EYS: variants seen among roughly 807,000 people sequenced by gnomAD.
The protein encoded by EYS is EGF-like photoreceptor maintenance factor, also known as protein eyes shut homolog.
EYS carries 250 observed loss-of-function variants against 282.1 expected under a neutral mutation model. That is an observed-to-expected ratio of 0.89 (90% CI 0.80 to 0.98). EYS has a LOEUF of 0.98. Among genes scored for constraint, EYS ranks in the 50% least tolerant of loss-of-function variants. The pLI, the probability that EYS is intolerant of heterozygous loss-of-function variation, is 0.00. For missense variants in EYS, 4,016 were observed against 3,709.0 expected (o/e 1.08, Z -2.15); for synonymous variants, 1,355 against 1,282.9 (o/e 1.06, Z -1.20).
chr6:65,621,438 T>A (rs1766489735), intron 2 of EYS, among the ~76,000 whole-genome samples: 2 of 150,896 alleles, frequency 1.3e-5, no homozygotes, highest in African/African-American at 4.9e-5. Flanking sequence ...ATTTTGAGCC[T>A]ATGTGTGTCT....
chr6:64,771,967 C>T (rs1456836671), intron 22 of EYS, among the ~76,000 whole-genome samples: 1 of 151,594 alleles, frequency 6.6e-6, no homozygotes, highest in African/African-American at 2.4e-5. Context: ...ATTTTTTCAT[C>T]TCTCGTGTAA....
At chr6:65,421,271 A>G (rs994417118) in intron 5 of EYS, among the ~76,000 whole-genome samples, 5 of 151,620 alleles carry the variant, frequency 3.3e-5, no homozygotes, top group Non-Finnish European at 5.9e-5. Flanking sequence ...CCTGCTTCAC[A>G]TTGCACTATT....
intron 13 of EYS, among the ~76,000 whole-genome samples, chr6:65,001,621 C>A (rs1211551988): frequency 1.4e-5 from 2 of 146,982 alleles, no homozygotes; most frequent in Non-Finnish European, 3.0e-5. Flanking sequence ...GGTATCCAGG[C>A]TTGAGGATGC....
At chr6:65,193,636 T>G (rs1269916041) in intron 12 of EYS, among the ~76,000 whole-genome samples, 2 of 151,634 alleles carry the variant, frequency 1.3e-5, no homozygotes, top group Non-Finnish European at 2.9e-5. Flanking sequence ...ATTTATTGAG[T>G]GCCTACATCA....
chr6:65,575,057 C>A (rs1034306882), intron 2 of EYS, among the ~76,000 whole-genome samples: 2 of 152,098 alleles, frequency 1.3e-5, no homozygotes, highest in African/African-American at 4.8e-5. Context: ...CGTGGTGGCT[C>A]ACGCCTATAA....
chr6:64,151,362 T>TATA (rs1491484712), intron 31 of EYS, among the ~76,000 whole-genome samples: 3 of 108,816 alleles, frequency 2.8e-5, no homozygotes, highest in South Asian at 5.5e-4. Flanking sequence ...TATATATATA[T>TATA]AATTTTTTTT....
intron 7 of EYS, among the ~76,000 whole-genome samples, chr6:65,401,935 A>T (rs2150363389): frequency 6.6e-6 from 1 of 152,034 alleles, no homozygotes; most frequent in East Asian, 1.9e-4. Flanking sequence ...GCTATTTAAA[A>T]TTGACTAAAT....
intron 33 of EYS, among the ~76,000 whole-genome samples, chr6:64,005,457 A>G (rs1768300167): frequency 6.6e-6 from 1 of 152,114 alleles, no homozygotes; most frequent in South Asian, 2.1e-4. Context: ...TGCTTTGCAG[A>G]AGCTCTTTAG....
In EYS at chr6:64,598,018, C is replaced by T. The variant is rs184751631; in HGVS notation, c.3685-4709G>A. Among the ~76,000 whole-genome samples, 168 of 152,030 alleles carry T rather than the reference C, an allele frequency of 1.1e-3. 1 individual carries two copies. Among genetic ancestry groups the T allele is most frequent in the South Asian group, 1.2e-3 (6 of 4,808 alleles). ...TCCATAAATATGTACAATTAATATG[C>T]GTCAACTAAAAATAAAAGAACAAAA... On this transcript the variant is annotated intron_variant, in intron 24 of 42. Transcript: ENST00000503581.
At chr6:64,473,705 T>C (rs1411287886) in intron 26 of EYS, among the ~76,000 whole-genome samples, 2 of 152,172 alleles carry the variant, frequency 1.3e-5, no homozygotes, top group Non-Finnish European at 2.9e-5. Context: ...TAATCAGTGC[T>C]ACAAATTGGC....
chr6:64,842,090 G>A (rs1495533), intron 19 of EYS, among the ~76,000 whole-genome samples: 84,501 of 151,582 alleles, frequency 0.56, 24,263 homozygotes, highest in Non-Finnish European at 0.62. Flanking sequence ...TGCACTATCT[G>A]TTACTCTCTA....
intron 22 of EYS, among the ~76,000 whole-genome samples, chr6:64,679,634 T>C (rs1402880363): frequency 6.6e-6 from 1 of 152,190 alleles, no homozygotes; most frequent in Non-Finnish European, 1.5e-5. Context: ...ATTAAATAAG[T>C]CTCCACACCC....
At chr6:65,290,157 T>G (rs2150282339) in intron 12 of EYS, among the ~76,000 whole-genome samples, 1 of 151,110 alleles carries the variant, frequency 6.6e-6, no homozygotes, top group Middle Eastern at 3.5e-3. Flanking sequence ...AATAAAAAAT[T>G]GACTAAGGGT....
intron 11 of EYS, among the ~76,000 whole-genome samples, chr6:65,325,895 A>G (rs1769605311): frequency 6.6e-6 from 1 of 152,102 alleles, no homozygotes; most frequent in African/African-American, 2.4e-5. Context: ...TTAATTTTAA[A>G]CTGTCTTGAA....
At chr6:64,454,316 G>C (rs762585877) in intron 26 of EYS, among the ~76,000 whole-genome samples, 3 of 151,990 alleles carry the variant, frequency 2.0e-5, no homozygotes, top group Non-Finnish European at 4.4e-5. Context: ...CATAGGTCAC[G>C]TTCTGCATAT....
intron 33 of EYS, among the ~76,000 whole-genome samples, chr6:64,046,047 A>G (rs1770611134): frequency 6.8e-6 from 1 of 147,824 alleles, no homozygotes; most frequent in South Asian, 2.1e-4. Flanking sequence ...TATATGTAAC[A>G]TAATATATGT....
intron 31 of EYS, among the ~76,000 whole-genome samples, chr6:64,158,617 T>A (rs527591572): frequency 4.6e-5 from 7 of 152,316 alleles, no homozygotes; most frequent in African/African-American, 1.7e-4. Flanking sequence ...TGTCACTAAC[T>A]CAGTCTCACT....
At chr6:65,264,529 G>T (rs772367506) in intron 12 of EYS, among the ~76,000 whole-genome samples, 15 of 152,044 alleles carry the variant, frequency 9.9e-5, no homozygotes, top group Non-Finnish European at 1.9e-4. Flanking sequence ...AATCAAAATT[G>T]TATTGCAAAT....
intron 31 of EYS, among the ~76,000 whole-genome samples, chr6:64,097,292 A>G (rs957271000): frequency 2.6e-5 from 4 of 152,150 alleles, no homozygotes; most frequent in Admixed American, 2.6e-4. Flanking sequence ...TCAGACAGGG[A>G]CATTTAAGTC....
Sources: gnomAD v4.1 joint callset for allele counts (sites outside exome capture counted in the v4.1 genomes callset) on GRCh38, gnomAD v4.1.1 for gene constraint, MANE v1.5 for transcripts, NCBI Gene and HGNC (gene_info 2026-07-23, HGNC 2026-07-21) for gene names.